Variants in CEACAM3 observed in about 807,000 individuals in gnomAD.
CEACAM3 encodes cell adhesion molecule CEACAM3.
A neutral mutation model predicts 30.1 loss-of-function variants in CEACAM3; 32 were observed. That is an observed-to-expected ratio of 1.06 (90% confidence interval 0.80 to 1.43). The LOEUF is 1.43. Among genes scored for constraint, CEACAM3 ranks in the 40% most tolerant of loss-of-function variants. The probability of loss-of-function intolerance (pLI) is 0.00; values close to 1 mark genes in which losing one functional copy is unlikely to be tolerated. For synonymous variants in CEACAM3, 134 were observed against 127.2 expected (o/e 1.05, Z -0.36); for missense variants, 290 against 316.3 (o/e 0.92, Z 0.63).
chr19:41,807,452 C>T, intron 2 of CEACAM3: 1 of 1,533,166 alleles, frequency 6.5e-7, no homozygotes, highest in Non-Finnish European at 8.8e-7. Context: ...GAGGCCAGGC[C>T]TCTCAGTCCC....
At chr19:41,809,264 G>T (rs980490560) in intron 3 of CEACAM3, 16 of 285,162 alleles carry the variant, frequency 5.6e-5, no homozygotes, top group South Asian at 9.2e-5. Flanking sequence ...CTCTGTACTT[G>T]GTACCTCCCA....
At chr19:41,804,973 A>G (rs1023956075) in intron 2 of CEACAM3, among the ~76,000 whole-genome samples, 1 of 152,144 alleles carries the variant, frequency 6.6e-6, no homozygotes, top group Non-Finnish European at 1.5e-5. Flanking sequence ...CCAATATCCA[A>G]AATTTTTTGA....
At chr19:41,803,627 C>T (rs752552359) in intron 2 of CEACAM3, among the ~76,000 whole-genome samples, 8 of 151,876 alleles carry the variant, frequency 5.3e-5, no homozygotes, top group Non-Finnish European at 1.2e-4. Flanking sequence ...CCACCATGCC[C>T]GGCTAATTTT....
chr19:41,800,866 G>A (rs1306194303), intron 2 of CEACAM3, among the ~76,000 whole-genome samples: 2 of 152,100 alleles, frequency 1.3e-5, no homozygotes, highest in African/African-American at 4.8e-5. Flanking sequence ...TCCGCGCATT[G>A]GTGGTAGTGA....
At chr19:41,800,164 C>T (rs947217304) in intron 2 of CEACAM3, among the ~76,000 whole-genome samples, 1 of 152,118 alleles carries the variant, frequency 6.6e-6, no homozygotes, top group Non-Finnish European at 1.5e-5. Flanking sequence ...TTATAATAAT[C>T]CTCGCTCTAT....
chr19:41,808,697 C>T (rs2073223235), intron 2 of CEACAM3, 116 bp from the exon 3 acceptor site: 1 of 787,610 alleles, frequency 1.3e-6, no homozygotes, highest in East Asian at 2.6e-5. Context: ...AGAGACTACA[C>T]TCAGGCCCCA....
intron 2 of CEACAM3, among the ~76,000 whole-genome samples, chr19:41,799,881 C>G (rs2073132012): frequency 6.6e-6 from 1 of 152,034 alleles, no homozygotes; most frequent in Non-Finnish European, 1.5e-5. Context: ...ATCCTTGTTG[C>G]ATTCCTCTAA....
intron 3 of CEACAM3, 66 bp downstream of exon 3, chr19:41,808,996 C>A: frequency 8.3e-7 from 1 of 1,203,526 alleles, no homozygotes; most frequent in Non-Finnish European, 1.2e-6. Context: ...AGAAAGGAGA[C>A]CTTGTCCTGT....
chr19:41,808,197 G>A (rs563861248), intron 2 of CEACAM3, among the ~76,000 whole-genome samples: 202 of 152,300 alleles, frequency 1.3e-3, no homozygotes, highest in African/African-American at 4.7e-3. Context: ...TCCCCTTGTT[G>A]TTCTGATTTC....
At position 41,811,339 on chromosome 19, in the gene CEACAM3, A is replaced by G. The variant is rs2123028386; in HGVS notation, c.*102A>G. 1.0e-6 allele frequency: 1 copy of G among 967,786 alleles called. No homozygotes were observed. Among genetic ancestry groups the G allele is most frequent in the South Asian group, 1.3e-5 (1 of 76,646 alleles). The allele number at this position is 967,786 out of a possible 1,614,324, so 59.9% of individuals were successfully genotyped here. On this transcript the variant is annotated 3_prime_UTR_variant, in exon 7 of 7. Coordinates refer to ENST00000357396, the MANE Select transcript of CEACAM3 (RefSeq NM_001815.5). ...AAGCCTGAGCCAGAGAACCAGCTAT[A>G]AGTCCTGAGAAGACACTGGTGTCTG...
chr19:41,810,744 G>C, intron 5 of CEACAM3, 88 bp from the exon 6 acceptor site: 1 of 1,224,104 alleles, frequency 8.2e-7, no homozygotes, highest in South Asian at 1.2e-5. Context: ...GAAATGACCA[G>C]AAGTAAACAC....
Position 41,811,257 on chromosome 19 carries a change from C to T in CEACAM3, c.*20C>T, listed in dbSNP as rs1338214914. 4 of 1,610,380 alleles carry T rather than the reference C, an allele frequency of 2.5e-6. No homozygotes were observed. Among genetic ancestry groups the T allele is most frequent in the Non-Finnish European group, 3.4e-6 (4 of 1,177,374 alleles). ...TCTTAGCTTCCTCCAGGAGCTGCTC[C>T]TGTGTGTTGATGGAGAGTCCCCAAG... On this transcript the variant is annotated 3_prime_UTR_variant, in exon 7 of 7. Transcript: ENST00000357396.
chr19:41,800,452 G>T (rs1449544539), intron 2 of CEACAM3, among the ~76,000 whole-genome samples: 2 of 152,020 alleles, frequency 1.3e-5, no homozygotes, highest in African/African-American at 4.8e-5. Flanking sequence ...AGAAGACTTT[G>T]CTCCTCCACC....
intron 2 of CEACAM3, among the ~76,000 whole-genome samples, chr19:41,802,976 C>T (rs1432450747): frequency 2.6e-5 from 4 of 152,102 alleles, no homozygotes; most frequent in African/African-American, 9.7e-5. Context: ...CTCACCACAG[C>T]GTCACTGAAC....
rs1176665744 is a variant in CEACAM3 at position 41,807,535 on chromosome 19, C to A, written c.425-1278C>A. ...CTGTCCCAAGCAAACCTGGGCAGAC[C>A]CAGCCTTGACCAAGAATAGGAGGGG... On this transcript the variant is annotated intron_variant, in intron 2 of 6. Coordinates refer to ENST00000357396, the MANE Select transcript of CEACAM3 (RefSeq NM_001815.5). 4 of 1,347,826 alleles carry A rather than the reference C, an allele frequency of 3.0e-6. No homozygotes were observed. The African/African-American group carries it at 4.4e-5, about 15-fold the overall frequency. 83.5% of individuals were successfully genotyped at this position (1,347,826 alleles called of 1,614,324 possible).
At chr19:41,805,718 G>A (rs1376783978) in intron 2 of CEACAM3, among the ~76,000 whole-genome samples, 1 of 152,158 alleles carries the variant, frequency 6.6e-6, no homozygotes, top group African/African-American at 2.4e-5. Context: ...GAAAATATTT[G>A]CAAAGATTCT....
intron 2 of CEACAM3, among the ~76,000 whole-genome samples, chr19:41,800,839 C>T (rs536688712): frequency 3.3e-5 from 5 of 152,234 alleles, no homozygotes; most frequent in East Asian, 1.9e-4. Context: ...GTCAGACATT[C>T]GGGGCCACTA....
intron 3 of CEACAM3, chr19:41,809,157 A>G: frequency 4.4e-6 from 1 of 225,754 alleles, no homozygotes; most frequent in Non-Finnish European, 8.8e-6. Flanking sequence ...CCCACCCCTG[A>G]GTGTGGCCCT....
intron 2 of CEACAM3, among the ~76,000 whole-genome samples, chr19:41,808,257 A>G (rs2073219287): frequency 6.6e-6 from 1 of 152,180 alleles, no homozygotes; most frequent in Non-Finnish European, 1.5e-5. Flanking sequence ...ATTTTGTTTT[A>G]TCACTTACGA....
Sources: gnomAD v4.1 joint callset for allele counts (sites outside exome capture counted in the v4.1 genomes callset) on GRCh38, gnomAD v4.1.1 for gene constraint, MANE v1.5 for transcripts, NCBI Gene and HGNC (gene_info 2026-07-23, HGNC 2026-07-21) for gene names.